Variants in CD58 observed in about 807,000 individuals in gnomAD.
CD58 encodes the protein CD58 molecule.
Under a neutral mutation model 27.6 loss-of-function variants are expected in CD58, and 14 were observed. The ratio of observed to expected loss-of-function variants is 0.51; its 90% CI spans 0.34 to 0.79. The LOEUF (loss-of-function observed/expected upper bound fraction) is 0.79, where lower values mean the gene tolerates loss of function less well. Among genes scored for constraint, CD58 ranks in the 30% least tolerant of loss-of-function variants. CD58 has a pLI of 0.02. For synonymous variants in CD58, 117 were observed against 103.8 expected, an observed-to-expected ratio of 1.13 and a Z score of -0.77; for missense variants, 268 against 301.7, an observed-to-expected ratio of 0.89 and a Z score of 0.83.
intron 1 of CD58, among the ~76,000 whole-genome samples, chr1:116,562,568 G>T (rs1658791242): frequency 6.6e-6 from 1 of 152,162 alleles, no homozygotes; most frequent in African/African-American, 2.4e-5. Context: ...AATTTATCAA[G>T]GAAAGAGGCT....
intron 1 of CD58, among the ~76,000 whole-genome samples, chr1:116,561,496 T>C (rs773453303): frequency 2.6e-5 from 4 of 152,218 alleles, no homozygotes; most frequent in Admixed American, 6.5e-5. Flanking sequence ...TGTCAATAAA[T>C]TGCCATTGTA....
rs77333878 is a variant in CD58 at position 116,568,555 on chromosome 1, T to A, written c.70+2348A>T. On this transcript the variant is annotated intron_variant, in intron 1 of 5. Coordinates refer to ENST00000369489, the MANE Select transcript of CD58 (RefSeq NM_001779.3). ...ATCCAGCATCCATGTTTTTACTCAT[T>A]TACTTACTGTCTCTCTCCCTCACTA... Among the ~76,000 whole-genome samples the A allele has an allele frequency of 1.6e-4, 24 of 152,374 alleles. No individual in the cohort carries two copies. In the East Asian group the frequency reaches 4.4e-3, roughly 28 times the overall value.
At chr1:116,540,499 G>A (rs1215680711) in intron 2 of CD58, among the ~76,000 whole-genome samples, 1 of 152,032 alleles carries the variant, frequency 6.6e-6, no homozygotes, top group Non-Finnish European at 1.5e-5. Flanking sequence ...CTTCTAACTT[G>A]ACATCTCCTC....
chr1:116,540,427 C>T (rs1657953733), intron 2 of CD58, among the ~76,000 whole-genome samples: 2 of 151,944 alleles, frequency 1.3e-5, no homozygotes, highest in African/African-American at 2.4e-5. Context: ...TGTCTTTTTA[C>T]AACCAAAACC....
chr1:116,525,540 G>C (rs184262817), intron 3 of CD58, among the ~76,000 whole-genome samples: 1 of 152,282 alleles, frequency 6.6e-6, no homozygotes, highest in Admixed American at 6.5e-5. Flanking sequence ...AATGCCTTCG[G>C]GTAAATAGCA....
chr1:116,550,533 T>C lies in CD58; in HGVS notation c.71-5929A>G, dbSNP rs1263445397. Among the ~76,000 whole-genome samples the C allele has an allele frequency of 2.0e-5, 3 of 152,222 alleles. No individual in the cohort carries two copies. Among genetic ancestry groups the C allele is most frequent in the Non-Finnish European group, 4.4e-5 (3 of 68,050 alleles). On this transcript the variant is annotated intron_variant, in intron 1 of 5. Coordinates refer to ENST00000369489, the MANE Select transcript of CD58 (RefSeq NM_001779.3). This position sits in a 1 kb window ranked among gnomAD's most constrained non-coding sequence, Gnocchi z 4.2. ...CTCCACTTCTATTTTTCTTGCTATTTCCACCCTTCAAAGTCATCCATGAGG... is the reference window on the plus strand; with the variant it reads ...CTCCACTTCTATTTTTCTTGCTATTCCCACCCTTCAAAGTCATCCATGAGG...
rs750407102 is a variant in CD58, at chr1:116,536,248, A to G, written c.365-20T>C. The G allele has an allele frequency of 6.4e-7, 1 of 1,573,748 alleles. No homozygotes were observed. Among genetic ancestry groups the G allele is most frequent in the South Asian group, 1.1e-5 (1 of 88,458 alleles). On this transcript the variant is annotated intron_variant, in intron 2 of 5. Transcript: ENST00000369489. The surrounding 1 kb of genome is among the most constrained non-coding windows in gnomAD (Gnocchi z 5.4). Reference sequence around the variant, plus strand: ...GAGACTCTGGAAAAAAAAGTATAATATTTAGTACAGAAAATAGTAATATTT... The same window carrying G: ...GAGACTCTGGAAAAAAAAGTATAATGTTTAGTACAGAAAATAGTAATATTT...
chr1:116,534,736 AATAAT>A lies in CD58; in HGVS notation c.628+1224_628+1228del, dbSNP rs1227233907. ...CAAAAGTGACTCTGCTTTGTCTGAAAATAATATAACTTTAATGGCTTTAAGTTATT... is the reference window on the plus strand; with the variant it reads ...CAAAAGTGACTCTGCTTTGTCTGAAAATAACTTTAATGGCTTTAAGTTATT... On this transcript the variant is annotated intron_variant, in intron 3 of 5. Coordinates refer to ENST00000369489, the MANE Select transcript of CD58 (RefSeq NM_001779.3). The surrounding 1 kb of genome is among the most constrained non-coding windows in gnomAD (Gnocchi z 5.3). Among the ~76,000 whole-genome samples, 7 of 152,242 alleles carry A rather than the reference AATAAT, an allele frequency of 4.6e-5. No homozygotes were observed. Among genetic ancestry groups the A allele is most frequent in the South Asian group, 4.1e-4 (2 of 4,836 alleles).
Position 116,517,249 on chromosome 1 carries a change from C to T in CD58, c.743+1982G>A, listed in dbSNP as rs1027967684. Among the ~76,000 whole-genome samples the T allele has an allele frequency of 3.9e-5, 6 of 152,142 alleles. No individual in the cohort carries two copies. The highest frequency in any genetic ancestry group is 1.4e-4 in the African/African-American group (6 of 41,434). On this transcript the variant is annotated intron_variant, in intron 5 of 5. Coordinates refer to ENST00000369489, the MANE Select transcript of CD58 (RefSeq NM_001779.3). This position sits in a 1 kb window ranked among gnomAD's most constrained non-coding sequence, Gnocchi z 6.5. ...CCTCTGACCACAAGCCTGGAGGTCC[C>T]TACCTCTCCCACCTCACCTCATCTC...
chr1:116,549,928 T>C (rs1658334615), intron 1 of CD58, among the ~76,000 whole-genome samples: 1 of 152,212 alleles, frequency 6.6e-6, no homozygotes, highest in African/African-American at 2.4e-5. Context: ...CCAGGGCATA[T>C]AAATGTTATG....
chr1:116,520,249 C>T (rs1283943881), intron 4 of CD58, among the ~76,000 whole-genome samples: 1 of 152,060 alleles, frequency 6.6e-6, no homozygotes, highest in Non-Finnish European at 1.5e-5. Flanking sequence ...GTAGCTGGGA[C>T]TACAGGCATG....
rs79918105 is a variant in CD58, at chr1:116,523,235, T to C, written c.629-1252A>G. 3.9e-3 allele frequency among the ~76,000 whole-genome samples: 588 copies of C among 152,306 alleles called. 1 individual carries two copies. The highest frequency in any genetic ancestry group is 0.013 in the African/African-American group (547 of 41,562). On this transcript the variant is annotated intron_variant, in intron 3 of 5. Transcript: ENST00000369489. The surrounding 1 kb of genome is among the most constrained non-coding windows in gnomAD (Gnocchi z 4.4). ...CTAAGTTGTTTTCACAGCAGCTCCT[T>C]GTTTTCACAAAAAACTGTGGTATGT...
rs527403280 is a variant in CD58, at chr1:116,560,862, T to A, written c.70+10041A>T. Among the ~76,000 whole-genome samples the A allele has an allele frequency of 5.9e-5, 9 of 152,298 alleles. No homozygotes were observed. In the East Asian group the frequency reaches 9.6e-4, roughly 16 times the overall value. ...CACTTTATATTCAAACCTGAACTTA[T>A]CTGAGAAAAGAGAAACGGCTGCATC... On this transcript the variant is annotated intron_variant, in intron 1 of 5. Transcript: ENST00000369489.
intron 3 of CD58, chr1:116,533,305 C>A (rs746725352): frequency 8.7e-6 from 12 of 1,385,558 alleles, no homozygotes; most frequent in Non-Finnish European, 1.2e-5. Context: ...ATGGTTTTGA[C>A]AGTAACATTC....
rs1380373398 is a variant in CD58, at chr1:116,570,974, G to T, written c.-2C>A. On this transcript the variant is annotated 5_prime_UTR_variant, in exon 1 of 6. Coordinates refer to ENST00000369489, the MANE Select transcript of CD58 (RefSeq NM_001779.3). The surrounding 1 kb of genome is among the most constrained non-coding windows in gnomAD (Gnocchi z 6.4). The stretch of plus-strand genomic sequence containing the variant: ...CCCCGCGTCGCTCCCAGCAACCATG[G>T]CTCGTCGGGCCGGCCTCTGCGCGAG... 4 of 1,548,056 alleles carry T rather than the reference G, an allele frequency of 2.6e-6. No homozygotes were observed. In the Middle Eastern group the frequency reaches 5.0e-4, roughly 195 times the overall value.
At chr1:116,548,152 T>C (rs1658260107) in intron 1 of CD58, among the ~76,000 whole-genome samples, 2 of 152,248 alleles carry the variant, frequency 1.3e-5, no homozygotes, top group African/African-American at 4.8e-5. Context: ...TGGGATTGTT[T>C]GCTTTTTTCT....
intron 1 of CD58, among the ~76,000 whole-genome samples, chr1:116,564,293 C>T (rs957031333): frequency 1.3e-5 from 2 of 151,964 alleles, no homozygotes; most frequent in African/African-American, 4.8e-5. Context: ...AGCCATTCAA[C>T]AAGTCTCTAG....
intron 1 of CD58, among the ~76,000 whole-genome samples, chr1:116,545,639 C>A (rs1026395000): frequency 6.6e-6 from 1 of 152,116 alleles, no homozygotes; most frequent in Non-Finnish European, 1.5e-5. Flanking sequence ...ATTAAGAACT[C>A]AGGGATTGGG....
At chr1:116,520,099 T>C (rs998029701) in intron 4 of CD58, among the ~76,000 whole-genome samples, 3 of 152,214 alleles carry the variant, frequency 2.0e-5, no homozygotes, top group Non-Finnish European at 4.4e-5. Flanking sequence ...TTAAGGTTGC[T>C]TAAAGGTTGA....
Sources: gnomAD v4.1 joint callset for allele counts (sites outside exome capture counted in the v4.1 genomes callset) on GRCh38, gnomAD v4.1.1 for gene constraint, Gnocchi (gnomAD v3.1) non-coding constraint, MANE v1.5 for transcripts, NCBI Gene and HGNC (gene_info 2026-07-23, HGNC 2026-07-21) for gene names.